Variants in CPVL observed in about 807,000 individuals in gnomAD.
CPVL encodes the protein carboxypeptidase vitellogenic like, also known as probable serine carboxypeptidase CPVL.
A neutral mutation model predicts 63.7 loss-of-function variants in CPVL; 51 were observed. The ratio of observed to expected loss-of-function variants is 0.80; its 90% CI spans 0.64 to 1.01. The LOEUF is 1.01. Ranked by LOEUF, CPVL falls within the 50% of genes least tolerant of loss-of-function variation. The pLI is 0.00. For missense variants in CPVL, 530 were observed against 573.1 expected (o/e 0.92, Z 0.77); for synonymous variants, 195 against 206.0 (o/e 0.95, Z 0.46).
chr7:29,010,807 T>A (rs1198383255), intron 12 of CPVL: 1 of 152,014 alleles, frequency 6.6e-6, no homozygotes, highest in African/African-American at 2.4e-5. Flanking sequence ...AGAGAGAGGG[T>A]CAAGTAATTT....
chr7:29,140,083 T>A (rs1791700066), intron 1 of CPVL, among the ~76,000 whole-genome samples: 1 of 152,296 alleles, frequency 6.6e-6, no homozygotes, highest in South Asian at 2.1e-4. Flanking sequence ...TAGCCAGGCC[T>A]TTCCCTGCAA....
At chr7:29,164,756 G>A (rs1046741018) in intron 5 of CPVL, among the ~76,000 whole-genome samples, 37 of 145,056 alleles carry the variant, frequency 2.6e-4, no homozygotes, top group Non-Finnish European at 5.1e-4. Flanking sequence ...ACTCCAGCCT[G>A]GGTGACAGAG....
chr7:29,061,237 G>A (rs532309619), intron 11 of CPVL, among the ~76,000 whole-genome samples: 1 of 151,806 alleles, frequency 6.6e-6, no homozygotes, highest in East Asian at 2.0e-4. Context: ...GTGAAACCCT[G>A]TCTCTACTAA....
intron 12 of CPVL, among the ~76,000 whole-genome samples, 177 bp downstream of exon 12, chr7:29,030,400 C>T (rs918895320): frequency 3.9e-5 from 6 of 152,074 alleles, no homozygotes; most frequent in Non-Finnish European, 5.9e-5. Flanking sequence ...TATATTTAGT[C>T]CTATGTATGT....
chr7:29,146,872 T>C (rs758765950), upstream of CPVL: 12 of 1,551,230 alleles, frequency 7.7e-6, no homozygotes, highest in Middle Eastern at 1.7e-4. Flanking sequence ...GCCCAGGATT[T>C]ACATTTGGAA....
intron 11 of CPVL, among the ~76,000 whole-genome samples, chr7:29,056,349 C>T (rs993579920): frequency 8.5e-5 from 13 of 152,144 alleles, no homozygotes; most frequent in Admixed American, 5.9e-4. Context: ...GCCTATTGAT[C>T]CCTCCCTCCC....
intron 12 of CPVL, among the ~76,000 whole-genome samples, chr7:29,020,090 C>T (rs1260738285): frequency 6.6e-6 from 1 of 152,144 alleles, no homozygotes; most frequent in Non-Finnish European, 1.5e-5. Context: ...TGGGACTTGT[C>T]GCCCTGAAGC....
chr7:29,089,643 G>A (rs1785568235), intron 6 of CPVL, among the ~76,000 whole-genome samples: 1 of 152,092 alleles, frequency 6.6e-6, no homozygotes, highest in South Asian at 2.1e-4. Context: ...CCATGGCAAT[G>A]ACCCAAAGAC....
At chr7:29,140,877 A>AACAACCAATTGTGCAATGTG in intron 1 of CPVL, among the ~76,000 whole-genome samples, 1 of 152,222 alleles carries the variant, frequency 6.6e-6, no homozygotes, top group African/African-American at 2.4e-5. Flanking sequence ...GCTTTTCTCC[A>AACAACCAATTGTGCAATGTG]CTTCACCCTT....
At chr7:29,012,750 G>C (rs938926202) in intron 12 of CPVL, 3 of 152,184 alleles carry the variant, frequency 2.0e-5, no homozygotes, top group Admixed American at 6.5e-5. Flanking sequence ...TATGCCACAT[G>C]GGGGTTCCTG....
upstream of CPVL, among the ~76,000 whole-genome samples, chr7:29,148,938 A>G (rs245885): frequency 0.54 from 82,513 of 151,688 alleles, 22,936 homozygotes; most frequent in African/African-American, 0.66. Context: ...ACTTGAAGCT[A>G]GACATTAAAA....
chr7:29,098,879 A>G (rs1398201583), intron 3 of CPVL, among the ~76,000 whole-genome samples: 1 of 152,134 alleles, frequency 6.6e-6, no homozygotes, highest in Non-Finnish European at 1.5e-5. Context: ...CCTGACCAAC[A>G]TGGAGAAACC....
chr7:29,127,914 C>T (rs1022134725), intron 1 of CPVL: 3 of 151,986 alleles, frequency 2.0e-5, no homozygotes, highest in African/African-American at 7.2e-5. Context: ...CTTGGGGCTT[C>T]GTTTTCTGAA....
chr7:29,105,557 C>T (rs981934897), intron 3 of CPVL, among the ~76,000 whole-genome samples: 23 of 152,184 alleles, frequency 1.5e-4, no homozygotes, highest in African/African-American at 5.3e-4. Flanking sequence ...ATGTCCAGCC[C>T]TTGGTGTCTC....
At chr7:29,022,084 C>T (rs920671444) in intron 12 of CPVL, among the ~76,000 whole-genome samples, 6 of 152,152 alleles carry the variant, frequency 3.9e-5, no homozygotes, top group African/African-American at 1.2e-4. Flanking sequence ...TTGCCACTGA[C>T]AGCAAATCCT....
chr7:29,186,917 G>A (rs1258457579), intron 1 of CPVL, among the ~76,000 whole-genome samples: 1 of 152,088 alleles, frequency 6.6e-6, no homozygotes, highest in Non-Finnish European at 1.5e-5. Context: ...TCTACAGCTG[G>A]AGTTGTTGAG....
chr7:29,123,628 A>AATATATATAT (rs1243750985), intron 1 of CPVL, among the ~76,000 whole-genome samples: 68 of 41,748 alleles, frequency 1.6e-3, no homozygotes, highest in East Asian at 9.0e-3. Context: ...AAAAAAAAAA[A>AATATATATAT]ATATATATAT....
chr7:29,108,976 C>G (rs1787993391), intron 3 of CPVL, among the ~76,000 whole-genome samples: 1 of 152,164 alleles, frequency 6.6e-6, no homozygotes, highest in Admixed American at 6.5e-5. Flanking sequence ...CCAGTTCTGC[C>G]AATTTCTAGT....
At chr7:29,195,205 C>A (rs1783524620) in exon 1 of CPVL, 3 of 481,318 alleles carry the variant, frequency 6.2e-6, no homozygotes, top group Non-Finnish European at 3.6e-6. Context: ...GGTGGGAGAG[C>A]GGTGGTGCCC....
Sources: gnomAD v4.1 joint callset for allele counts (sites outside exome capture counted in the v4.1 genomes callset) on GRCh38, gnomAD v4.1.1 for gene constraint, MANE v1.5 for transcripts, NCBI Gene and HGNC (gene_info 2026-07-23, HGNC 2026-07-21) for gene names.